The following ARHGEF33 variants were observed in gnomAD, a reference collection of about 807,000 sequenced individuals.
The protein encoded by ARHGEF33 is DH and coiled-coil domain-containing protein ENSP00000381780.
In ARHGEF33, 72 loss-of-function variants were observed where a neutral mutation model predicts 101.9. That is an observed-to-expected ratio of 0.71 (90% CI 0.58 to 0.86). The LOEUF is 0.86. Ranked by LOEUF, ARHGEF33 falls within the 40% of genes least tolerant of loss-of-function variation. ARHGEF33 has a pLI of 0.00. For missense variants in ARHGEF33, 1,169 were observed against 1,111.3 expected (o/e 1.05, Z -0.74); for synonymous variants, 499 against 442.5 (o/e 1.13, Z -1.60).
At chr2:38,908,851 G>A (rs980764906) in intron 2 of ARHGEF33, among the ~76,000 whole-genome samples, 4 of 152,176 alleles carry the variant, frequency 2.6e-5, no homozygotes, top group Non-Finnish European at 4.4e-5. Context: ...AACTTTGCTT[G>A]TTAAAATAAA....
rs1371817681 is a variant in ARHGEF33 at position 38,954,428 on chromosome 2, G to A, written c.1193G>A (p.Arg398His). The change falls in exon 13 of 18, where the codon CGC becomes CAC. Residue 398 changes from arginine (R) to histidine (H), a missense_variant. Transcript: ENST00000409978. ...ACGTTGTTTTTTCACATAGTCCAGC[G>A]CATCCCTGAATATCTGATACATCTG... ...IYTLFFHIVQ[R>H]IPEYLIHLQN... 5 of 1,550,362 alleles carry A rather than the reference G, an allele frequency of 3.2e-6. No individual in the cohort carries two copies. Among genetic ancestry groups the A allele is most frequent in the East Asian group, 2.4e-5 (1 of 40,920 alleles).
chr2:38,973,798 C>T lies in ARHGEF33; in HGVS notation c.2568C>T (p.Asn856=). ...CCACCAAACAAGATTTCTTCAGAAA[C>T]CGACTTGCTCTTGCAAATGACCTTG... is the stretch of plus-strand genomic sequence containing the variant. ...PSPTKQDFFR[N]RLALANDLDQ... Residue 856 remains asparagine, a synonymous_variant, in exon 18 of 18, where the codon AAC becomes AAT. Transcript: ENST00000409978. 1.3e-6 allele frequency: 2 copies of T among 1,549,230 alleles called. No homozygotes were observed. The highest frequency in any genetic ancestry group is 1.7e-6 in the Non-Finnish European group (2 of 1,146,212).
intron 4 of ARHGEF33, among the ~76,000 whole-genome samples, chr2:38,922,028 A>G (rs1666768840): frequency 6.6e-6 from 1 of 152,220 alleles, no homozygotes; most frequent in South Asian, 2.1e-4. Flanking sequence ...AAAGTTCTGC[A>G]AAACATCTTT....
At chr2:38,926,689 G>A (rs1316628233) in intron 4 of ARHGEF33, among the ~76,000 whole-genome samples, 1 of 152,132 alleles carries the variant, frequency 6.6e-6, no homozygotes, top group Non-Finnish European at 1.5e-5. Context: ...TGAGAGCTGG[G>A]GTTCTGCAGG....
intron 17 of ARHGEF33, among the ~76,000 whole-genome samples, chr2:38,969,806 T>C (rs1191454901): frequency 6.6e-6 from 1 of 152,236 alleles, no homozygotes; most frequent in Non-Finnish European, 1.5e-5. Context: ...GGTAGGCTGA[T>C]GTTAGCTAGA....
At chr2:38,891,253 A>G (rs956718729) in intron 1 of ARHGEF33, among the ~76,000 whole-genome samples, 3 of 151,892 alleles carry the variant, frequency 2.0e-5, no homozygotes, top group Non-Finnish European at 4.4e-5. Flanking sequence ...ACTTTTTCTT[A>G]ATTCCCTTTA....
At chr2:38,954,068 TAAA>T (rs745629013) in intron 12 of ARHGEF33, among the ~76,000 whole-genome samples, 4 of 152,212 alleles carry the variant, frequency 2.6e-5, no homozygotes, top group Admixed American at 6.5e-5. Flanking sequence ...TTAATTCAGC[TAAA>T]ATATAGTTCA....
chr2:38,896,511 T>C (rs971798678), intron 2 of ARHGEF33, among the ~76,000 whole-genome samples: 7 of 152,234 alleles, frequency 4.6e-5, no homozygotes, highest in Non-Finnish European at 7.3e-5. Context: ...CTACTTTCCA[T>C]TGAAGTTATG....
At chr2:38,916,801 CT>C (rs200104155) in intron 2 of ARHGEF33, among the ~76,000 whole-genome samples, 520 of 137,874 alleles carry the variant, frequency 3.8e-3, no homozygotes, top group African/African-American at 4.2e-3. Context: ...ATAATAAAGT[CT>C]TTTTTTTTTT....
At chr2:38,962,212 T>C (rs1323210235) in intron 16 of ARHGEF33, among the ~76,000 whole-genome samples, 10 of 152,230 alleles carry the variant, frequency 6.6e-5, no homozygotes, top group Non-Finnish European at 1.5e-4. Flanking sequence ...TGTCAGAGTT[T>C]AGAAGTTTAT....
At chr2:38,935,038 T>C (rs909079558) in intron 7 of ARHGEF33, among the ~76,000 whole-genome samples, 33 of 135,658 alleles carry the variant, frequency 2.4e-4, no homozygotes, top group Non-Finnish European at 4.1e-4. Flanking sequence ...GAGAAAACAG[T>C]AGGTGCAGTT....
At chr2:38,947,301 C>T (rs4516407) in intron 10 of ARHGEF33, among the ~76,000 whole-genome samples, 1 of 152,202 alleles carries the variant, frequency 6.6e-6, no homozygotes, top group Non-Finnish European at 1.5e-5. Flanking sequence ...TGAAGCCAGC[C>T]GTGCCCCTGG....
At chr2:38,958,440 T>TGAAG (rs1315228900) in intron 15 of ARHGEF33, among the ~76,000 whole-genome samples, 1 of 152,348 alleles carries the variant, frequency 6.6e-6, no homozygotes, top group East Asian at 1.9e-4. Flanking sequence ...CTTCAACTCT[T>TGAAG]GAAGCAGTTA....
intron 14 of ARHGEF33, 200 bp from the exon 15 acceptor site, chr2:38,957,834 A>C: frequency 3.4e-6 from 2 of 584,814 alleles, no homozygotes; most frequent in South Asian, 2.4e-5. Context: ...AGCTCTTTTC[A>C]GCCAGTGAAT....
intron 10 of ARHGEF33, among the ~76,000 whole-genome samples, chr2:38,950,371 C>T (rs1667567810): frequency 6.6e-6 from 1 of 152,162 alleles, no homozygotes; most frequent in South Asian, 2.1e-4. Flanking sequence ...AAAGGTATCC[C>T]TTAGAATTTC....
chr2:38,935,738 G>T, intron 7 of ARHGEF33, 37 bp from the exon 8 acceptor site: 1 of 1,536,874 alleles, frequency 6.5e-7, no homozygotes, highest in Non-Finnish European at 8.8e-7. Context: ...CATGTTAGTG[G>T]AATGAACGCT....
At chr2:38,907,553 T>A (rs1666419112) in intron 2 of ARHGEF33, among the ~76,000 whole-genome samples, 1 of 152,178 alleles carries the variant, frequency 6.6e-6, no homozygotes, top group African/African-American at 2.4e-5. Context: ...GGTTCAGATC[T>A]TGGGAGTCCT....
Position 38,960,110 on chromosome 2 carries a change from T to G in ARHGEF33, c.1805T>G (p.Leu602Arg). The G allele has an allele frequency of 6.5e-7, 1 of 1,542,228 alleles. No individual in the cohort carries two copies. The highest frequency in any genetic ancestry group is 8.7e-7 in the Non-Finnish European group (1 of 1,145,294). The change falls in exon 16 of 18, where the codon CTG (leucine) becomes CGG (arginine). Residue 602 changes from leucine (L) to arginine (R), a missense_variant. Physicochemically the swap from Leu to Arg is moderately radical, Grantham distance 102 (BLOSUM62 -2). Transcript: ENST00000409978. Reference protein sequence around the residue: ...ERSLRAPAELLPDARGFVPAA... With the variant: ...ERSLRAPAELRPDARGFVPAA... ...TCCCTGCGCGCCCCGGCCGAGCTCCTGCCCGATGCCCGCGGCTTCGTGCCC... is the reference window on the plus strand; with the variant it reads ...TCCCTGCGCGCCCCGGCCGAGCTCCGGCCCGATGCCCGCGGCTTCGTGCCC...
In ARHGEF33 at chr2:38,960,742, G is replaced by T. The variant is rs865935132; in HGVS notation, c.2343+94G>T. ...GAGTTCTCCTAGCGTGGAGAGGAGC[G>T]GGGCCGGGCCAGGCTAGGGGGCGGC... On this transcript the variant is annotated intron_variant, in intron 16 of 17. Transcript: ENST00000409978. The T allele has an allele frequency of 2.5e-5, 26 of 1,029,222 alleles. No individual in the cohort carries two copies. The Middle Eastern group carries it at 2.7e-3, about 106-fold the overall frequency. 63.8% of individuals were successfully genotyped at this position (1,029,222 alleles called of 1,614,324 possible). A position where few individuals can be genotyped will look rare whatever the true frequency, so the allele number is the denominator to read the frequency against.
Sources: allele counts gnomAD v4.1 joint callset (sites outside exome capture counted in the v4.1 genomes callset), GRCh38; gene constraint gnomAD v4.1.1; transcripts MANE v1.5; gene names NCBI Gene and HGNC (gene_info 2026-07-23, HGNC 2026-07-21).